The following TIAM1 variants were observed in gnomAD, a reference collection of about 807,000 sequenced individuals.
TIAM1 encodes rho guanine nucleotide exchange factor TIAM1.
A neutral mutation model predicts 163.5 loss-of-function variants in TIAM1; 65 were observed. That is an observed-to-expected ratio of 0.40 (90% CI 0.33 to 0.49). The LOEUF (loss-of-function observed/expected upper bound fraction) is 0.49, where lower values mean the gene tolerates loss of function less well. Among genes scored for constraint, TIAM1 ranks in the 20% least tolerant of loss-of-function variants. The probability of loss-of-function intolerance (pLI) is 0.77; values close to 1 mark genes in which losing one functional copy is unlikely to be tolerated. For missense variants in TIAM1, 1,789 were observed against 2,044.7 expected, an observed-to-expected ratio of 0.87 and a Z score of 2.41; for synonymous variants, 833 against 810.1, an observed-to-expected ratio of 1.03 and a Z score of -0.48.
chr21:31,281,699 G>C (rs370693683), intron 2 of TIAM1, among the ~76,000 whole-genome samples: 17 of 152,138 alleles, frequency 1.1e-4, no homozygotes, highest in African/African-American at 4.1e-4. Context: ...TGGATGGATG[G>C]ATGGATGGAT....
chr21:31,126,979 A>G (rs989258238), intron 26 of TIAM1, 86 bp downstream of exon 26: 10 of 1,350,268 alleles, frequency 7.4e-6, no homozygotes, highest in Non-Finnish European at 1.1e-5. Flanking sequence ...ACAACGTACC[A>G]AACACCAGAA....
intron 10 of TIAM1, 92 bp downstream of exon 10, chr21:31,213,306 C>T (rs1438140532): frequency 1.4e-5 from 16 of 1,105,376 alleles, no homozygotes; most frequent in East Asian, 1.3e-4. Context: ...ATTGAGTTTA[C>T]TTAATTTTAG....
At position 31,555,186 on chromosome 21, in the gene TIAM1, C is replaced by CTT. The variant is rs545553753; in HGVS notation, c.-422+3739_-422+3740dup. On this transcript the variant is annotated intron_variant, in intron 1 of 28. Coordinates refer to the TIAM1 transcript ENST00000286827. ...CAATGATGATGAGAGAGAATTTGTT[C>CTT]TTTTTTTTTTTTTTTACACAGGAGT... Among the ~76,000 whole-genome samples, 639 of 132,672 alleles carry CTT rather than the reference C, an allele frequency of 4.8e-3. 6 individuals are homozygous for CTT. The highest frequency in any genetic ancestry group is 0.014 in the African/African-American group (525 of 36,562). The allele number at this position is 132,672 out of a possible 152,430, so 87.0% of individuals were successfully genotyped here. A position where few individuals can be genotyped will look rare whatever the true frequency, so the allele number is the denominator to read the frequency against.
chr21:31,210,534 A>AAAAGAAAGAAAGAAAGAAAGAAAG, intron 10 of TIAM1, among the ~76,000 whole-genome samples: 94 of 55,590 alleles, frequency 1.7e-3, no homozygotes, highest in East Asian at 3.7e-3. Flanking sequence ...GGAAGGAAGG[A>AAAAGAAAGAAAGAAAGAAAGAAAG]AAAGAAAGAA....
chr21:31,140,387 G>A (rs2082794395), intron 22 of TIAM1, among the ~76,000 whole-genome samples: 1 of 152,326 alleles, frequency 6.6e-6, no homozygotes, highest in African/African-American at 2.4e-5. Context: ...ATTGACGAAT[G>A]TTACTATATA....
At chr21:31,319,145 T>C (rs1305646214) in intron 2 of TIAM1, among the ~76,000 whole-genome samples, 1 of 152,188 alleles carries the variant, frequency 6.6e-6, no homozygotes, top group African/African-American at 2.4e-5. Context: ...GCCAGGCCTT[T>C]TGTTTCTGGA....
At position 31,266,385 on chromosome 21, in the gene TIAM1, G is replaced by C. The variant is rs753826634; in HGVS notation, c.588C>G (p.Asn196Lys). Residue 196 changes from asparagine (N) to lysine (K), a missense_variant, in exon 4 of 28, where the codon AAC (asparagine) becomes AAG (lysine). Coordinates refer to ENST00000541036, the MANE Select transcript of TIAM1 (RefSeq NM_001353694.2). ...SDLSQEHLTS[N>K]EEILGSAEEK... is the part of the protein sequence containing the mutation. The stretch of plus-strand genomic sequence containing the variant: ...CTTCGGCGGAACCCAAGATTTCTTC[G>C]TTGCTTGTTAAATGTTCTTGGCTCA... 3 of 1,614,072 alleles carry C rather than the reference G, an allele frequency of 1.9e-6. No individual in the cohort carries two copies. Among genetic ancestry groups the C allele is most frequent in the African/African-American group, 2.7e-5 (2 of 74,930 alleles).
rs2075948827 is a variant in TIAM1, at chr21:31,339,355, C to G, written c.-301G>C. 2 of 398,520 alleles carry G rather than the reference C, an allele frequency of 5.0e-6. No homozygotes were observed. Among genetic ancestry groups the G allele is most frequent in the South Asian group, 2.5e-4 (2 of 7,852 alleles). The allele number at this position is 398,520 out of a possible 1,614,324, so 24.7% of individuals were successfully genotyped here. ...CAGAGCATTATGCCCATGGTACCAA[C>G]CAGCCTCCTCTTCCTCCTCCTGGGC... is the stretch of plus-strand genomic sequence containing the variant. On this transcript the variant is annotated 5_prime_UTR_variant, in exon 2 of 28. Coordinates refer to ENST00000541036, the MANE Select transcript of TIAM1 (RefSeq NM_001353694.2).
chr21:31,325,506 A>G (rs1000534308), intron 2 of TIAM1, among the ~76,000 whole-genome samples: 1 of 151,978 alleles, frequency 6.6e-6, no homozygotes, highest in Non-Finnish European at 1.5e-5. Flanking sequence ...TGTCTTTACT[A>G]AAAATAAAAT....
intron 4 of TIAM1, among the ~76,000 whole-genome samples, chr21:31,263,061 G>A (rs1283973164): frequency 2.6e-5 from 4 of 152,238 alleles, no homozygotes; most frequent in South Asian, 2.1e-4. Flanking sequence ...GGATGAACAC[G>A]CCAAACTTAG....
chr21:31,223,600 G>A lies in TIAM1; in HGVS notation c.1810-9C>T. 1.3e-6 allele frequency: 2 copies of A among 1,576,924 alleles called. No homozygotes were observed. Among genetic ancestry groups the A allele is most frequent in the Non-Finnish European group, 1.7e-6 (2 of 1,160,052 alleles). Reference sequence around the variant, plus strand: ...TGCTCCCAGACAAAGATCTATGGTAGTGAAAACACGGGAAAAGAAAAAGTG... The same window carrying A: ...TGCTCCCAGACAAAGATCTATGGTAATGAAAACACGGGAAAAGAAAAAGTG... On this transcript the variant is annotated splice_polypyrimidine_tract_variant and intron_variant, in intron 7 of 27. Coordinates refer to ENST00000541036, the MANE Select transcript of TIAM1 (RefSeq NM_001353694.2).
chr21:31,357,920 G>T (rs1255899853), intron 2 of TIAM1, among the ~76,000 whole-genome samples: 2 of 152,118 alleles, frequency 1.3e-5, no homozygotes, highest in Non-Finnish European at 2.9e-5. Context: ...GCCTTTGCTG[G>T]TTCCTCCTCT....
intron 15 of TIAM1, among the ~76,000 whole-genome samples, chr21:31,176,442 G>T (rs937295925): frequency 6.6e-6 from 1 of 151,714 alleles, no homozygotes; most frequent in Non-Finnish European, 1.5e-5. Flanking sequence ...CAAAACAGAT[G>T]AAAGTAGCTC....
intron 22 of TIAM1, among the ~76,000 whole-genome samples, chr21:31,137,274 G>C (rs1601232255): frequency 6.6e-6 from 1 of 152,348 alleles, no homozygotes; most frequent in African/African-American, 2.4e-5. Flanking sequence ...AGCAGTACAG[G>C]ATACAGAGGT....
chr21:31,264,605 TCAGCAAAACCTGTCCTCAGG>T (rs1241911760), intron 4 of TIAM1, among the ~76,000 whole-genome samples: 1 of 152,210 alleles, frequency 6.6e-6, no homozygotes, highest in Non-Finnish European at 1.5e-5. Context: ...TTGGACACCA[TCAGCAAAACCTGTCCTCAGG>T]CAGGAACACA....
At position 31,339,348 on chromosome 21, in the gene TIAM1, G is replaced by A; in HGVS notation, c.-294C>T. ...TAGGATTCAGAGCATTATGCCCATG[G>A]TACCAACCAGCCTCCTCTTCCTCCT... On this transcript the variant is annotated 5_prime_UTR_variant, in exon 2 of 28. Coordinates refer to ENST00000541036, the MANE Select transcript of TIAM1 (RefSeq NM_001353694.2). The A allele has an allele frequency of 2.5e-6, 1 of 398,604 alleles. No individual in the cohort carries two copies. Among genetic ancestry groups the A allele is most frequent in the Non-Finnish European group, 4.4e-6 (1 of 226,090 alleles). The allele number at this position is 398,604 out of a possible 1,614,324, so 24.7% of individuals were successfully genotyped here.
intron 1 of TIAM1, among the ~76,000 whole-genome samples, chr21:31,464,276 G>A (rs2045441580): frequency 6.6e-6 from 1 of 152,126 alleles, no homozygotes; most frequent in Non-Finnish European, 1.5e-5. Context: ...AGTCAACCCC[G>A]GCACATCACC....
In TIAM1 at chr21:31,256,572, A is replaced by G. The variant is rs531816933; in HGVS notation, c.964-4383T>C. Among the ~76,000 whole-genome samples, 4 of 128,654 alleles carry G rather than the reference A, an allele frequency of 3.1e-5. No homozygotes were observed. The South Asian group carries it at 1.1e-3, about 34-fold the overall frequency. 84.4% of individuals were successfully genotyped at this position (128,654 alleles called of 152,430 possible). ...ATCATCTTCTTCCTAACCCCAAAAT[A>G]TTAAGTACCCCTCACTACACACACA... On this transcript the variant is annotated intron_variant, in intron 4 of 27. Transcript: ENST00000541036.
rs55980668 is a variant in TIAM1, at chr21:31,223,372, A to C, written c.1995+34T>G. 0.027 allele frequency: 42,149 copies of C among 1,577,530 alleles called. 6,809 individuals are homozygous for C. The African/African-American group carries it at 0.42, about 16-fold the overall frequency. ...CTGCTCAGGATTAAGCGTCAAGCTT[A>C]ATGTTTTTCAAAAATTCATTAGCTT... On this transcript the variant is annotated intron_variant, in intron 8 of 27. Transcript: ENST00000541036.
Sources: gnomAD v4.1 joint callset for allele counts (sites outside exome capture counted in the v4.1 genomes callset) on GRCh38, gnomAD v4.1.1 for gene constraint, MANE v1.5 for transcripts, NCBI Gene and HGNC (gene_info 2026-07-23, HGNC 2026-07-21) for gene names.